The following CPNE9 variants were observed in gnomAD, a reference collection of about 807,000 sequenced individuals.
CPNE9 encodes the protein copine-9.
Under a neutral mutation model 83.0 loss-of-function variants are expected in CPNE9, and 59 were observed. The observed-to-expected ratio is 0.71, with a 90% CI of 0.58 to 0.88. The LOEUF (loss-of-function observed/expected upper bound fraction) is 0.88, where lower values mean the gene tolerates loss of function less well. Ranked by LOEUF, CPNE9 falls within the 40% of genes least tolerant of loss-of-function variation. CPNE9 has a pLI of 0.00. For missense variants in CPNE9, 619 were observed against 720.8 expected (o/e 0.86, Z 1.62); for synonymous variants, 256 against 273.4 (o/e 0.94, Z 0.63).
In CPNE9 at chr3:9,705,825, C is replaced by T. The variant is rs375034299; in HGVS notation, c.300+105C>T. 1.0e-3 allele frequency: 1,390 copies of T among 1,396,766 alleles called. 11 individuals are homozygous for T. In the Admixed American group the frequency reaches 0.01, roughly 10 times the overall value. The allele number at this position is 1,396,766 out of a possible 1,614,324, so 86.5% of individuals were successfully genotyped here. A position where few individuals can be genotyped will look rare whatever the true frequency, so the allele number is the denominator to read the frequency against. On this transcript the variant is annotated intron_variant, in intron 6 of 20. Coordinates refer to ENST00000383832, the MANE Select transcript of CPNE9 (RefSeq NM_153635.3). Reference sequence around the variant, plus strand: ...CAAGGCAGAGATTGCTCGCAGACCCCTTCTTTCACACCCCCTCCATTAAAG... The same window carrying T: ...CAAGGCAGAGATTGCTCGCAGACCCTTTCTTTCACACCCCCTCCATTAAAG...
In CPNE9 at chr3:9,729,665, C is replaced by A; in HGVS notation, c.1635C>A (p.Ser545Arg). The change falls in exon 21 of 21, where the codon AGC becomes AGA. Residue 545 changes from serine (S) to arginine (R), a missense_variant. Around this residue, in one of 3 missense-constraint regions of CPNE9, gnomAD observed 51 missense variants for 40.4 expected, o/e 1.26. Coordinates refer to ENST00000383832, the MANE Select transcript of CPNE9 (RefSeq NM_153635.3). ...GGCCCCCACCCCCTGCCAACCCCAG[C>A]CCGATCCCAGCTCCAGAGCAGCCCT... ...QPRPPPPANP[S>R]PIPAPEQP 1.9e-6 allele frequency: 3 copies of A among 1,613,740 alleles called. No individual in the cohort carries two copies. The highest frequency in any genetic ancestry group is 2.5e-6 in the Non-Finnish European group (3 of 1,179,744).
At chr3:9,705,427 CCA>C in intron 4 of CPNE9, 35 bp from the exon 5 acceptor site, 1 of 1,110,470 alleles carries the variant, frequency 9.0e-7, no homozygotes, top group Non-Finnish European at 1.3e-6. Flanking sequence ...TCTCCCCCAC[CCA>C]GCCCCACCCC....
rs1047451027 is a variant in CPNE9, at chr3:9,726,010, G to T, written c.1303G>T (p.Val435Phe). Residue 435 changes from valine (V) to phenylalanine (F), a missense_variant, in exon 18 of 21, where the codon GTC becomes TTC. Physicochemically the swap from Val to Phe is conservative, Grantham distance 50. This residue lies in a region of CPNE9 where 438 missense variants were observed against 562.9 expected (regional missense o/e 0.78). Transcript: ENST00000383832. The stretch of plus-strand genomic sequence containing the variant: ...TGTTCTGCTCATCATCACTGATGGG[G>T]TCATCTCTGACATGACGCAGACCAA... ...YYVLLIITDG[V>F]ISDMTQTKEA... The T allele has an allele frequency of 3.1e-6, 5 of 1,611,616 alleles. No individual in the cohort carries two copies. Among genetic ancestry groups the T allele is most frequent in the Middle Eastern group, 1.6e-4 (1 of 6,076 alleles).
At chr3:9,713,392 A>T (rs2125465591) in intron 10 of CPNE9, among the ~76,000 whole-genome samples, 1 of 152,304 alleles carries the variant, frequency 6.6e-6, no homozygotes, top group Non-Finnish European at 1.5e-5. Flanking sequence ...ATGGTTGGAT[A>T]TGTATGTGGA....
chr3:9,708,643 CTT>C (rs71626934), intron 7 of CPNE9, among the ~76,000 whole-genome samples: 7 of 151,868 alleles, frequency 4.6e-5, no homozygotes, highest in Admixed American at 4.6e-4. Context: ...GTCAAGGAAT[CTT>C]TTTTTTGAGA....
rs959915653 is a variant in CPNE9 at position 9,724,569 on chromosome 3, C to T, written c.1242-1380C>T. Among the ~76,000 whole-genome samples, 5 of 152,340 alleles carry T rather than the reference C, an allele frequency of 3.3e-5. No homozygotes were observed. In the East Asian group the frequency reaches 7.7e-4, roughly 24 times the overall value. On this transcript the variant is annotated intron_variant, in intron 17 of 20. Coordinates refer to ENST00000383832, the MANE Select transcript of CPNE9 (RefSeq NM_153635.3). ...CTTCCCTCAATTTCTGACCTCCACA[C>T]AGGGGAGTTGTTCTTTAGTCCCACT...
Position 9,714,956 on chromosome 3 carries a change from G to A in CPNE9, c.692+1G>A. 1 of 1,613,688 alleles carries A rather than the reference G, an allele frequency of 6.2e-7. No individual in the cohort carries two copies. The highest frequency in any genetic ancestry group is 8.5e-7 in the Non-Finnish European group (1 of 1,179,606). Reference sequence around the variant, plus strand: ...TGTACGACTGGGACCGGGATGGAAGGTAGAACTGCCCCACATGGTCCCTTC... The same window carrying A: ...TGTACGACTGGGACCGGGATGGAAGATAGAACTGCCCCACATGGTCCCTTC... On this transcript the variant is annotated splice_donor_variant, in intron 11 of 20. Coordinates refer to ENST00000383832, the MANE Select transcript of CPNE9 (RefSeq NM_153635.3). LOFTEE classifies it high-confidence loss of function.
rs774203217 is a variant in CPNE9, at chr3:9,704,863, C to T, written c.157-28C>T. On this transcript the variant is annotated intron_variant, in intron 3 of 20. Transcript: ENST00000383832. The surrounding 1 kb of genome is among the most constrained non-coding windows in gnomAD (Gnocchi z 7.1). ...AATTCCCCTGCCCGTCTGCACGTCC[C>T]ACGCTGACCCTCCACCCCCCTACCC... 30 of 1,606,090 alleles carry T rather than the reference C, an allele frequency of 1.9e-5. No individual in the cohort carries two copies. In the Admixed American group the frequency reaches 4.7e-4, roughly 25 times the overall value.
chr3:9,728,401 A>G, intron 20 of CPNE9, among the ~76,000 whole-genome samples: 1 of 152,158 alleles, frequency 6.6e-6, no homozygotes, highest in East Asian at 1.9e-4. Flanking sequence ...AGGCGGGCGG[A>G]TTGCCTGAGG....
chr3:9,705,083 G>A lies in CPNE9; in HGVS notation c.260+89G>A, dbSNP rs558410309. The stretch of plus-strand genomic sequence containing the variant: ...CTGGCCCCACCCCCGCCTCGCCTCC[G>A]GCCTGGTTCTTCTCGCAGGCCTCCC... On this transcript the variant is annotated intron_variant, in intron 4 of 20. Coordinates refer to ENST00000383832, the MANE Select transcript of CPNE9 (RefSeq NM_153635.3). The A allele has an allele frequency of 2.8e-5, 26 of 924,328 alleles. No homozygotes were observed. The Admixed American group carries it at 4.9e-4, about 17-fold the overall frequency. The allele number at this position is 924,328 out of a possible 1,614,324, so 57.3% of individuals were successfully genotyped here. A position where few individuals can be genotyped will look rare whatever the true frequency, so the allele number is the denominator to read the frequency against.
In CPNE9 at chr3:9,706,074, T is replaced by C; in HGVS notation, c.377+11T>C. On this transcript the variant is annotated intron_variant, in intron 7 of 20. Transcript: ENST00000383832. ...AGAGCGAACCCTCACGTAAGCTGAATAGGAAGGGGTGTGGGAGTGGGGTGG... is the reference window on the plus strand; with the variant it reads ...AGAGCGAACCCTCACGTAAGCTGAACAGGAAGGGGTGTGGGAGTGGGGTGG... 1 of 1,612,646 alleles carries C rather than the reference T, an allele frequency of 6.2e-7. No homozygotes were observed.
intron 15 of CPNE9, among the ~76,000 whole-genome samples, chr3:9,717,699 T>C (rs182260016): frequency 1.2e-4 from 19 of 152,100 alleles, no homozygotes; most frequent in African/African-American, 4.3e-4. Context: ...GATGGACTGA[T>C]GGATGGATGA....
At position 9,704,911 on chromosome 3, in the gene CPNE9, T is replaced by A. The variant is rs758742071; in HGVS notation, c.177T>A (p.Ile59=). 2 of 1,613,404 alleles carry A rather than the reference T, an allele frequency of 1.2e-6. No homozygotes were observed. Among genetic ancestry groups the A allele is most frequent in the Non-Finnish European group, 1.7e-6 (2 of 1,179,880 alleles). ...CCCAGTTCGGACGGACCGAGGTGAT[T>A]GATAACACGCTGAACCCAGACTTCG... ...EWREFGRTEV[I]DNTLNPDFVR... is the part of the protein sequence containing the mutation. Residue 59 remains isoleucine (I), a synonymous_variant, in exon 4 of 21, where the codon ATT becomes ATA. Coordinates refer to ENST00000383832, the MANE Select transcript of CPNE9 (RefSeq NM_153635.3). The surrounding 1 kb of genome is among the most constrained non-coding windows in gnomAD (Gnocchi z 7.1).
chr3:9,717,398 T>C (rs376307097), intron 15 of CPNE9, among the ~76,000 whole-genome samples: 1 of 152,096 alleles, frequency 6.6e-6, no homozygotes, highest in Non-Finnish European at 1.5e-5. Context: ...AATGGATGCA[T>C]AGATCCATGA....
chr3:9,723,242 C>T (rs1172856682), intron 17 of CPNE9, among the ~76,000 whole-genome samples: 2 of 152,082 alleles, frequency 1.3e-5, no homozygotes, highest in Non-Finnish European at 2.9e-5. Flanking sequence ...GAGGCCGAGG[C>T]GGGCGGATCA....
chr3:9,729,704 A>G lies in CPNE9; in HGVS notation c.*12A>G. 1 of 1,603,992 alleles carries G rather than the reference A, an allele frequency of 6.2e-7. No homozygotes were observed. Among genetic ancestry groups the G allele is most frequent in the Non-Finnish European group, 8.5e-7 (1 of 1,172,472 alleles). ...CAGAGCAGCCCTGAGGATTCCACAT[A>G]TCCAATGCCTCACAGTCTGCAAGCC... On this transcript the variant is annotated 3_prime_UTR_variant, in exon 21 of 21. Coordinates refer to ENST00000383832, the MANE Select transcript of CPNE9 (RefSeq NM_153635.3).
At chr3:9,709,237 C>T (rs1361163976) in intron 7 of CPNE9, among the ~76,000 whole-genome samples, 1 of 143,136 alleles carries the variant, frequency 7.0e-6, no homozygotes, top group African/African-American at 2.6e-5. Context: ...GATCACGCTA[C>T]TGCACTCCAG....
At chr3:9,712,473 C>A in intron 7 of CPNE9, 68 bp from the exon 8 acceptor site, 1 of 1,309,498 alleles carries the variant, frequency 7.6e-7, no homozygotes, top group Non-Finnish European at 1.1e-6. Context: ...CACCTAACCC[C>A]AGACTGGCCA....
At chr3:9,727,832 G>C (rs1451345324) in intron 20 of CPNE9, among the ~76,000 whole-genome samples, 1 of 152,214 alleles carries the variant, frequency 6.6e-6, no homozygotes, top group Non-Finnish European at 1.5e-5. Flanking sequence ...AGAAAAGGCA[G>C]GTAGACTCAT....
Sources: allele counts gnomAD v4.1 joint callset (sites outside exome capture counted in the v4.1 genomes callset), GRCh38; gene constraint gnomAD v4.1.1; regional missense constraint gnomAD v4.1.1; non-coding constraint Gnocchi (gnomAD v3.1); transcripts MANE v1.5; gene names NCBI Gene and HGNC (gene_info 2026-07-23, HGNC 2026-07-21).